WWOX: variants seen among roughly 807,000 people sequenced by gnomAD.
WWOX encodes the protein WW domain-containing oxidoreductase.
Under a neutral mutation model 46.2 loss-of-function variants are expected in WWOX, and 69 were observed. The observed-to-expected ratio is 1.49, with a 90% confidence interval of 1.23 to 1.82. WWOX has a LOEUF of 1.82. Among genes scored for constraint, WWOX ranks in the 40% most tolerant of loss-of-function variants. The pLI is 0.00. For synonymous variants in WWOX, 359 were observed against 202.6 expected (o/e 1.77, Z -6.56); for missense variants, 919 against 542.6 (o/e 1.69, Z -6.89).
intron 8 of WWOX, among the ~76,000 whole-genome samples, chr16:78,624,073 G>A (rs2046253741): frequency 6.6e-6 from 1 of 152,140 alleles, no homozygotes; most frequent in African/African-American, 2.4e-5. Context: ...TATATGTCCT[G>A]CTTCTTGAAT....
chr16:78,536,146 G>C (rs2043753892), intron 8 of WWOX, among the ~76,000 whole-genome samples: 1 of 152,142 alleles, frequency 6.6e-6, no homozygotes, highest in Admixed American at 6.5e-5. Context: ...TTAGGTTTAA[G>C]ATACAGGCAC....
At chr16:78,428,320 G>A (rs1169558317) in intron 7 of WWOX, among the ~76,000 whole-genome samples, 2 of 152,216 alleles carry the variant, frequency 1.3e-5, no homozygotes, top group African/African-American at 2.4e-5. Flanking sequence ...GAACATAGTC[G>A]TTTTTCAGGA....
intron 8 of WWOX, among the ~76,000 whole-genome samples, chr16:79,072,626 ATTAT>A (rs1301790037): frequency 6.6e-6 from 1 of 152,220 alleles, no homozygotes; most frequent in African/African-American, 2.4e-5. Context: ...CGAAGCTATA[ATTAT>A]TAATGATCAA....
chr16:78,455,645 A>G (rs1187612364), intron 8 of WWOX, among the ~76,000 whole-genome samples: 1 of 28,656 alleles, frequency 3.5e-5, no homozygotes, highest in African/African-American at 8.7e-5. Flanking sequence ...CTCTGTCTCA[A>G]AAAAAAAAAA....
In WWOX at chr16:78,547,104, GGAGAGTGT is replaced by G. The variant is rs2044051658; in HGVS notation, c.1056+114357_1056+114364del. Among the ~76,000 whole-genome samples the G allele has an allele frequency of 3.0e-5, 4 of 134,040 alleles. No individual in the cohort carries two copies. In the South Asian group the frequency reaches 1.0e-3, roughly 35 times the overall value. The allele number at this position is 134,040 out of a possible 152,430, so 87.9% of individuals were successfully genotyped here. Reference sequence around the variant, plus strand: ...GATCATGCCACTGCACTCCAGCCTGGGAGAGTGTGAGACCTTGTCTCAGAAAAAAAAAA... The same window carrying G: ...GATCATGCCACTGCACTCCAGCCTGGGAGACCTTGTCTCAGAAAAAAAAAA... On this transcript the variant is annotated intron_variant, in intron 8 of 8. Coordinates refer to ENST00000566780, the MANE Select transcript of WWOX (RefSeq NM_016373.4).
intron 8 of WWOX, among the ~76,000 whole-genome samples, chr16:79,077,680 C>T (rs537572298): frequency 2.0e-5 from 3 of 149,520 alleles, no homozygotes; most frequent in South Asian, 2.1e-4. Context: ...TTACATCTCT[C>T]GTAGCATCTA....
intron 5 of WWOX, among the ~76,000 whole-genome samples, chr16:78,309,326 G>T (rs939853542): frequency 6.6e-6 from 1 of 152,156 alleles, no homozygotes; most frequent in Non-Finnish European, 1.5e-5. Context: ...CTTCCACTCT[G>T]CCCTGATTAT....
At chr16:78,540,033 C>A (rs894258994) in intron 8 of WWOX, among the ~76,000 whole-genome samples, 17 of 151,284 alleles carry the variant, frequency 1.1e-4, no homozygotes, top group African/African-American at 3.6e-4. Flanking sequence ...CACACACACA[C>A]ACACACACAC....
At chr16:79,025,887 C>G (rs1267124729) in intron 8 of WWOX, among the ~76,000 whole-genome samples, 3 of 149,092 alleles carry the variant, frequency 2.0e-5, no homozygotes, top group Non-Finnish European at 4.4e-5. Flanking sequence ...CAGCCTCCGC[C>G]TCCTGGGTTC....
intron 8 of WWOX, among the ~76,000 whole-genome samples, chr16:78,628,620 A>AT (rs2046361058): frequency 1.3e-5 from 2 of 151,250 alleles, no homozygotes; most frequent in Non-Finnish European, 3.0e-5. Flanking sequence ...TTATTCCAGC[A>AT]ATTTTTTTTT....
At chr16:79,140,527 A>C (rs2050069495) in intron 8 of WWOX, among the ~76,000 whole-genome samples, 1 of 152,214 alleles carries the variant, frequency 6.6e-6, no homozygotes, top group Non-Finnish European at 1.5e-5. Flanking sequence ...AGCAGAAAAC[A>C]ATGCAGCCTC....
chr16:78,118,779 A>G (rs750906651), intron 4 of WWOX, among the ~76,000 whole-genome samples: 9 of 152,204 alleles, frequency 5.9e-5, no homozygotes, highest in Non-Finnish European at 1.2e-4. Context: ...CACAGCTTAG[A>G]TGAAATTTAG....
chr16:79,152,648 C>T (rs1488095405), intron 8 of WWOX, among the ~76,000 whole-genome samples: 8 of 149,514 alleles, frequency 5.4e-5, no homozygotes, highest in Admixed American at 1.3e-4. Context: ...TCCAGCTTGG[C>T]GACAGAGTGA....
At chr16:78,380,825 G>A (rs1033286545) in intron 5 of WWOX, among the ~76,000 whole-genome samples, 2 of 151,910 alleles carry the variant, frequency 1.3e-5, no homozygotes, top group Non-Finnish European at 2.9e-5. Context: ...AGAAAACAAG[G>A]GAGACCCACA....
chr16:79,166,581 A>G (rs11150141), intron 8 of WWOX, among the ~76,000 whole-genome samples: 82,130 of 151,950 alleles, frequency 0.54, 23,083 homozygotes, highest in East Asian at 0.88. Flanking sequence ...TGAATTGACT[A>G]TGTCAGGTAG....
chr16:78,870,800 C>A (rs1293170357), intron 8 of WWOX, among the ~76,000 whole-genome samples: 1 of 152,176 alleles, frequency 6.6e-6, no homozygotes, highest in Non-Finnish European at 1.5e-5. Flanking sequence ...CGGGTTTTCA[C>A]CGTGTTGCCC....
At chr16:78,877,029 A>G (rs1177109331) in intron 8 of WWOX, among the ~76,000 whole-genome samples, 1 of 152,218 alleles carries the variant, frequency 6.6e-6, no homozygotes, top group Non-Finnish European at 1.5e-5. Flanking sequence ...GAAGAGGTCC[A>G]GGACATTTAA....
At chr16:78,732,443 C>T (rs1239687366) in intron 8 of WWOX, among the ~76,000 whole-genome samples, 1 of 152,060 alleles carries the variant, frequency 6.6e-6, no homozygotes, top group Admixed American at 6.6e-5. Context: ...ACAACTGAGC[C>T]CTCAGATGAT....
intron 8 of WWOX, among the ~76,000 whole-genome samples, chr16:78,710,486 A>ATATATATATATATATT (rs1303049001): frequency 1.4e-4 from 18 of 127,314 alleles, no homozygotes; most frequent in Non-Finnish European, 2.3e-4. Context: ...ATATATATAT[A>ATATATATATATATATT]TATATATATA....
Sources: gnomAD v4.1 joint callset for allele counts (sites outside exome capture counted in the v4.1 genomes callset) on GRCh38, gnomAD v4.1.1 for gene constraint, MANE v1.5 for transcripts, NCBI Gene and HGNC (gene_info 2026-07-23, HGNC 2026-07-21) for gene names.